The following CACHD1 variants were observed in gnomAD, a reference collection of about 807,000 sequenced individuals.
CACHD1 encodes VWFA and cache domain-containing protein 1.
A neutral mutation model predicts 138.7 loss-of-function variants in CACHD1; 71 were observed. The observed-to-expected ratio is 0.51, with a 90% CI of 0.42 to 0.62. CACHD1 has a LOEUF of 0.62. CACHD1 is among the 20% of genes least tolerant of loss of function. CACHD1 has a pLI of 0.00. For synonymous variants in CACHD1, 578 were observed against 591.5 expected (o/e 0.98, Z 0.33); for missense variants, 1,389 against 1,625.3 (o/e 0.85, Z 2.50).
At chr1:64,681,759 A>G (rs1461880641) in intron 25 of CACHD1, among the ~76,000 whole-genome samples, 1 of 151,836 alleles carries the variant, frequency 6.6e-6, no homozygotes, top group African/African-American at 2.4e-5. Context: ...GTGTTAAGAC[A>G]CCCTGGCCTT....
At chr1:64,669,218 T>C (rs949068009) in intron 16 of CACHD1, among the ~76,000 whole-genome samples, 1 of 152,224 alleles carries the variant, frequency 6.6e-6, no homozygotes, top group South Asian at 2.1e-4. Flanking sequence ...CTGTAATACC[T>C]GCATTGAACT....
intron 1 of CACHD1, among the ~76,000 whole-genome samples, chr1:64,537,203 C>T (rs1646639530): frequency 6.6e-6 from 1 of 152,128 alleles, no homozygotes; most frequent in Non-Finnish European, 1.5e-5. Context: ...CTCCTATTCT[C>T]TTTAAAGGTT....
chr1:64,527,156 G>GT (rs1646547095), intron 1 of CACHD1, among the ~76,000 whole-genome samples: 1 of 152,190 alleles, frequency 6.6e-6, no homozygotes, highest in Non-Finnish European at 1.5e-5. Context: ...AAATGGATGA[G>GT]TGCAAGTGCA....
At chr1:64,487,531 A>G (rs997496690) in intron 1 of CACHD1, among the ~76,000 whole-genome samples, 1 of 152,144 alleles carries the variant, frequency 6.6e-6, no homozygotes, top group Non-Finnish European at 1.5e-5. Flanking sequence ...TGACACCAAT[A>G]TTTACTACAA....
rs754700116 is a variant in CACHD1, at chr1:64,648,026, T to C, written c.1382T>C (p.Met461Thr). 6.2e-7 allele frequency: 1 copy of C among 1,608,296 alleles called. No individual in the cohort carries two copies. Residue 461 changes from methionine to threonine, a missense_variant, in exon 9 of 27, where the codon ATG becomes ACG. By Grantham distance (81) the Met-to-Thr change is moderately conservative. Coordinates refer to ENST00000651257, the MANE Select transcript of CACHD1 (RefSeq NM_020925.4). ...AVFSLPFSDE[M>T]GDGLIMTVSK... ...TTCAGCCTGCCCTTCTCTGATGAGATGGGAGATGGTGAGTTTGGATAAACG... is the reference window on the plus strand; with the variant it reads ...TTCAGCCTGCCCTTCTCTGATGAGACGGGAGATGGTGAGTTTGGATAAACG...
At chr1:64,500,655 C>T (rs1205949169) in intron 1 of CACHD1, among the ~76,000 whole-genome samples, 10 of 148,720 alleles carry the variant, frequency 6.7e-5, no homozygotes, top group Non-Finnish European at 1.3e-4. Context: ...GAGTTTGAGA[C>T]CAGTTTGAGC....
chr1:64,544,281 A>G (rs1163438105), intron 1 of CACHD1, among the ~76,000 whole-genome samples: 1 of 152,164 alleles, frequency 6.6e-6, no homozygotes, highest in Admixed American at 6.6e-5. Flanking sequence ...TAGGCTTGCA[A>G]AGGTATTTAT....
At chr1:64,503,164 TTGATAG>T (rs1166777694) in intron 1 of CACHD1, among the ~76,000 whole-genome samples, 1 of 152,148 alleles carries the variant, frequency 6.6e-6, no homozygotes, top group Non-Finnish European at 1.5e-5. Context: ...AAGCCGGCTT[TTGATAG>T]TGAGTAACTA....
chr1:64,654,850 T>C (rs113778598), intron 12 of CACHD1, 47 bp downstream of exon 12: 1 of 1,370,462 alleles, frequency 7.3e-7, no homozygotes, highest in Non-Finnish European at 1.0e-6. Context: ...CAGGGTACAG[T>C]GCTCTTCTTC....
chr1:64,551,182 G>A (rs1478652140), intron 2 of CACHD1, among the ~76,000 whole-genome samples: 1 of 151,820 alleles, frequency 6.6e-6, no homozygotes, highest in East Asian at 1.9e-4. Context: ...GCAGCTCATT[G>A]GATGTTGGCT....
intron 24 of CACHD1, among the ~76,000 whole-genome samples, chr1:64,680,009 C>T (rs1378320217): frequency 6.6e-6 from 1 of 152,194 alleles, no homozygotes; most frequent in Non-Finnish European, 1.5e-5. Flanking sequence ...TGCAATAAGC[C>T]AGTCAGGGGA....
chr1:64,619,833 T>C (rs1443097725), intron 4 of CACHD1, among the ~76,000 whole-genome samples: 1 of 152,190 alleles, frequency 6.6e-6, no homozygotes, highest in Non-Finnish European at 1.5e-5. Context: ...GATCCATTGA[T>C]CAGAATTTGC....
intron 1 of CACHD1, among the ~76,000 whole-genome samples, chr1:64,504,505 G>A (rs1294141585): frequency 2.6e-5 from 4 of 152,080 alleles, no homozygotes; most frequent in Non-Finnish European, 5.9e-5. Context: ...GAATTCTCTC[G>A]TCAGTTTTCC....
chr1:64,493,247 A>T (rs1190963352), intron 1 of CACHD1, among the ~76,000 whole-genome samples: 1 of 152,192 alleles, frequency 6.6e-6, no homozygotes, highest in African/African-American at 2.4e-5. Flanking sequence ...CATTCCACTT[A>T]TTACTATGGG....
chr1:64,510,328 A>G (rs1646410612), intron 1 of CACHD1, among the ~76,000 whole-genome samples: 1 of 152,172 alleles, frequency 6.6e-6, no homozygotes, highest in Admixed American at 6.5e-5. Flanking sequence ...TGGGAGCTAC[A>G]GGGGAAGGCA....
At chr1:64,558,038 C>G (rs1646811676) in intron 2 of CACHD1, among the ~76,000 whole-genome samples, 1 of 152,072 alleles carries the variant, frequency 6.6e-6, no homozygotes, top group Non-Finnish European at 1.5e-5. Context: ...ACCTTGTGAT[C>G]CACCCACCTC....
intron 3 of CACHD1, among the ~76,000 whole-genome samples, chr1:64,599,353 A>C (rs1647192028): frequency 1.3e-5 from 2 of 152,240 alleles, no homozygotes; most frequent in African/African-American, 4.8e-5. Context: ...GCATATAGTT[A>C]AGAAGCAGAA....
Position 64,664,342 on chromosome 1 carries a change from A to G in CACHD1, c.2095-156A>G, listed in dbSNP as rs999642457. ...TGTATTTCTGCAAGCTTTTATTTTC[A>G]CCAAGTTTGGTTGCATCCATCTGCT... On this transcript the variant is annotated intron_variant, in intron 14 of 26. Transcript: ENST00000651257. The G allele has an allele frequency of 4.3e-5, 28 of 647,596 alleles. No individual in the cohort carries two copies. The African/African-American group carries it at 5.1e-4, about 12-fold the overall frequency. 40.1% of individuals were successfully genotyped at this position (647,596 alleles called of 1,614,324 possible).
intron 2 of CACHD1, among the ~76,000 whole-genome samples, chr1:64,566,614 CT>C (rs78161314): frequency 0.6 from 87,484 of 145,522 alleles, 28,594 homozygotes; most frequent in Non-Finnish European, 0.72. Context: ...TAGTATGAGG[CT>C]TTTTTTTTTT....
Sources: allele counts gnomAD v4.1 joint callset (sites outside exome capture counted in the v4.1 genomes callset), GRCh38; gene constraint gnomAD v4.1.1; transcripts MANE v1.5; gene names NCBI Gene and HGNC (gene_info 2026-07-23, HGNC 2026-07-21).